The following TMCO5A variants were observed in gnomAD, a reference collection of about 807,000 sequenced individuals.
TMCO5A encodes transmembrane and coiled-coil domain-containing protein 5A.
A neutral mutation model predicts 42.3 loss-of-function variants in TMCO5A; 34 were observed. The ratio of observed to expected loss-of-function variants is 0.80; its 90% CI spans 0.61 to 1.07. The LOEUF (loss-of-function observed/expected upper bound fraction) is 1.07. Ranked by LOEUF, TMCO5A falls within the 50% of genes least tolerant of loss-of-function variation. The probability of loss-of-function intolerance (pLI) is 0.00; values close to 1 mark genes in which losing one functional copy is unlikely to be tolerated. For missense variants in TMCO5A, 357 were observed against 327.9 expected, an observed-to-expected ratio of 1.09 and a Z score of -0.69; for synonymous variants, 131 against 115.6, an observed-to-expected ratio of 1.13 and a Z score of -0.86.
the TMCO5A span, among the ~76,000 whole-genome samples, chr15:38,023,902 A>G: frequency 6.6e-6 from 1 of 152,198 alleles, no homozygotes; most frequent in Non-Finnish European, 1.5e-5. Flanking sequence ...ACCACTCTTC[A>G]AAGTGGTTCT....
the TMCO5A span, among the ~76,000 whole-genome samples, chr15:37,978,481 C>T: frequency 6.6e-6 from 1 of 152,184 alleles, no homozygotes. Flanking sequence ...GGGGTGGGGG[C>T]TCACAGGAAA....
chr15:37,946,497 T>A (rs1163089983), intron 10 of TMCO5A, among the ~76,000 whole-genome samples: 1 of 152,206 alleles, frequency 6.6e-6, no homozygotes, highest in Non-Finnish European at 1.5e-5. Context: ...TCCATGAACA[T>A]GGAATGTTTT....
intron 7 of TMCO5A, 139 bp downstream of exon 7, chr15:37,941,344 A>C: frequency 1.2e-6 from 1 of 839,650 alleles, no homozygotes; most frequent in South Asian, 1.7e-5. Flanking sequence ...GGGGTAAAGA[A>C]AAGGAAGATA....
At chr15:38,001,411 T>A in the TMCO5A span, among the ~76,000 whole-genome samples, 1 of 151,648 alleles carries the variant, frequency 6.6e-6, no homozygotes, top group Non-Finnish European at 1.5e-5. Flanking sequence ...GAGTGTTTTT[T>A]ATAGGCAATA....
the TMCO5A span, among the ~76,000 whole-genome samples, chr15:37,996,439 C>G: frequency 6.6e-6 from 1 of 152,184 alleles, no homozygotes; most frequent in Middle Eastern, 3.2e-3. Flanking sequence ...TTGGGCTTCT[C>G]AACTCAAAAA....
intron 11 of TMCO5A, among the ~76,000 whole-genome samples, chr15:37,957,914 C>A (rs1890330704): frequency 6.6e-6 from 1 of 152,060 alleles, no homozygotes; most frequent in African/African-American, 2.4e-5. Context: ...TGGAACAGAA[C>A]AGAGGCCTCA....
At chr15:37,998,711 A>ATT in the TMCO5A span, among the ~76,000 whole-genome samples, 2 of 148,738 alleles carry the variant, frequency 1.3e-5, no homozygotes, top group African/African-American at 4.9e-5. Context: ...AAATTTTAGG[A>ATT]TTTTTTTTTT....
Position 37,966,763 on chromosome 15 carries a change from T to C in TMCO5A, c.*120T>C, listed in dbSNP as rs1890567688. 4 of 698,738 alleles carry C rather than the reference T, an allele frequency of 5.7e-6. No individual in the cohort carries two copies. The Middle Eastern group carries it at 6.9e-4, about 121-fold the overall frequency. 43.3% of individuals were successfully genotyped at this position (698,738 alleles called of 1,614,324 possible). ...CCAGAAAAGGTCATAAACTGGCCTA[T>C]CTGAGGTCAATTGCCTACCCTGTCC... On this transcript the variant is annotated 3_prime_UTR_variant, in exon 12 of 12. Coordinates refer to the TMCO5A transcript ENST00000559502.
chr15:38,023,998 C>T, the TMCO5A span, among the ~76,000 whole-genome samples: 2 of 152,162 alleles, frequency 1.3e-5, no homozygotes, highest in African/African-American at 4.8e-5. Context: ...CATGGGAACT[C>T]CTGTGGAAAG....
chr15:37,942,591 A>T (rs1394920584), intron 9 of TMCO5A: 1 of 216,738 alleles, frequency 4.6e-6, no homozygotes, highest in Non-Finnish European at 9.2e-6. Flanking sequence ...GGTATTCCTT[A>T]TATATCACAG....
At chr15:38,002,748 GA>G in the TMCO5A span, among the ~76,000 whole-genome samples, 1 of 151,978 alleles carries the variant, frequency 6.6e-6, no homozygotes, top group African/African-American at 2.4e-5. Flanking sequence ...ATAGGATTCT[GA>G]ATTCTCTCTC....
At chr15:37,973,197 C>T in the TMCO5A span, among the ~76,000 whole-genome samples, 2 of 149,496 alleles carry the variant, frequency 1.3e-5, no homozygotes, top group African/African-American at 2.5e-5. Context: ...TTACTGTAAC[C>T]TTGTAGTATA....
chr15:37,958,504 G>T (rs953847932), intron 11 of TMCO5A, among the ~76,000 whole-genome samples: 1 of 151,940 alleles, frequency 6.6e-6, no homozygotes, highest in Non-Finnish European at 1.5e-5. Context: ...AATCATCACT[G>T]GTCATTAGAG....
At chr15:37,964,027 A>G (rs1180197192) in intron 11 of TMCO5A, among the ~76,000 whole-genome samples, 1 of 152,052 alleles carries the variant, frequency 6.6e-6, no homozygotes, top group Non-Finnish European at 1.5e-5. Flanking sequence ...CTTGGTTTGA[A>G]TCAACTGCTG....
At chr15:37,939,490 A>T (rs1889652996) in intron 6 of TMCO5A, among the ~76,000 whole-genome samples, 1 of 152,000 alleles carries the variant, frequency 6.6e-6, no homozygotes, top group Non-Finnish European at 1.5e-5. Flanking sequence ...TTCCAAGATC[A>T]CCTCTTTTTC....
At chr15:37,974,980 C>T in the TMCO5A span, among the ~76,000 whole-genome samples, 767 of 152,230 alleles carry the variant, frequency 5.0e-3, 7 homozygotes, top group African/African-American at 0.017. Context: ...TTGATGTCTA[C>T]CTTAGTTTCA....
At chr15:37,981,841 A>G in the TMCO5A span, among the ~76,000 whole-genome samples, 6 of 152,212 alleles carry the variant, frequency 3.9e-5, no homozygotes, top group Non-Finnish European at 7.3e-5. Context: ...GAATATTTAC[A>G]GAAGAGACTG....
rs1308644577 is a variant in TMCO5A, at chr15:37,943,281, T to A, written c.570-60T>A. 3.3e-6 allele frequency: 5 copies of A among 1,508,068 alleles called. No individual in the cohort carries two copies. In the Admixed American group the frequency reaches 8.5e-5, roughly 26 times the overall value. 93.4% of individuals were successfully genotyped at this position (1,508,068 alleles called of 1,614,324 possible). A position where few individuals can be genotyped will look rare whatever the true frequency, so the allele number is the denominator to read the frequency against. On this transcript the variant is annotated intron_variant, in intron 9 of 11. Coordinates refer to ENST00000319669, the MANE Select transcript of TMCO5A (RefSeq NM_152453.4). ...TAAAGCTTTTTTAAAATAACCATAG[T>A]GTAGTATGAATATTTCAGTGCACTT...
chr15:38,031,023 G>T, the TMCO5A span, among the ~76,000 whole-genome samples: 2 of 152,112 alleles, frequency 1.3e-5, no homozygotes, highest in Non-Finnish European at 2.9e-5. Flanking sequence ...CATCACCTCT[G>T]CATCCTCACA....
Sources: allele counts gnomAD v4.1 joint callset (sites outside exome capture counted in the v4.1 genomes callset), GRCh38; gene constraint gnomAD v4.1.1; transcripts MANE v1.5; gene names NCBI Gene and HGNC (gene_info 2026-07-23, HGNC 2026-07-21).